Variants in SH3D19 observed in about 807,000 individuals in gnomAD.
SH3D19 encodes the protein SH3 domain containing 19, also known as SH3 domain-containing protein 19.
A neutral mutation model predicts 112.1 loss-of-function variants in SH3D19; 58 were observed. The observed-to-expected ratio is 0.52, with a 90% CI of 0.42 to 0.64. The LOEUF (loss-of-function observed/expected upper bound fraction) is 0.64, where lower values mean the gene tolerates loss of function less well. Ranked by LOEUF, SH3D19 falls within the 30% of genes least tolerant of loss-of-function variation. The pLI is 0.00. For synonymous variants in SH3D19, 391 were observed against 448.5 expected (o/e 0.87, Z 1.62); for missense variants, 1,090 against 1,263.4 (o/e 0.86, Z 2.08).
rs1355350911 is a variant in SH3D19, at chr4:151,122,054, G to A, written c.*37C>T. 9.7e-7 allele frequency: 1 copy of A among 1,025,774 alleles called. No individual in the cohort carries two copies. Among genetic ancestry groups the A allele is most frequent in the East Asian group, 2.4e-5 (1 of 42,038 alleles). 63.5% of individuals were successfully genotyped at this position (1,025,774 alleles called of 1,614,324 possible). ...TGATAGTCAAGGTGATAGTTCAAGT[G>A]AGTTCTTGTGCCAAGGAACACAGAC... On this transcript the variant is annotated 3_prime_UTR_variant, in exon 20 of 20. Transcript: ENST00000604030.
intron 14 of SH3D19, 49 bp from the exon 15 acceptor site, chr4:151,135,181 A>T: frequency 3.4e-6 from 5 of 1,467,442 alleles, no homozygotes; most frequent in Non-Finnish European, 4.7e-6. Flanking sequence ...TCAGATTTTC[A>T]TAAGATAAAT....
At chr4:151,173,647 C>A (rs140380787) in intron 7 of SH3D19, among the ~76,000 whole-genome samples, 5 of 152,162 alleles carry the variant, frequency 3.3e-5, no homozygotes, top group South Asian at 2.1e-4. Flanking sequence ...TTAGTTTATA[C>A]GCTAAAATGT....
intron 1 of SH3D19, among the ~76,000 whole-genome samples, chr4:151,311,144 T>C (rs1380459221): frequency 2.0e-5 from 3 of 151,462 alleles, no homozygotes; most frequent in Non-Finnish European, 2.9e-5. Flanking sequence ...TGTATATATG[T>C]ATACACACAC....
rs17027555 is a variant in SH3D19 at position 151,318,377 on chromosome 4, A to G, written c.112+6864T>C. ...CATTATTACCAGGCCATGTTAAAGT[A>G]ATTCATATGGCTTAAGAAATACCAA... On this transcript the variant is annotated intron_variant, in intron 1 of 19. Coordinates refer to ENST00000604030, the MANE Select transcript of SH3D19 (RefSeq NM_001378122.1). Among the ~76,000 whole-genome samples the G allele has an allele frequency of 1.2e-3, 187 of 152,160 alleles. 1 individual carries two copies. The highest frequency in any genetic ancestry group is 4.3e-3 in the African/African-American group (177 of 41,530).
At chr4:151,282,379 G>C (rs1449890118) in intron 1 of SH3D19, 2 of 1,613,840 alleles carry the variant, frequency 1.2e-6, no homozygotes, top group Non-Finnish European at 1.7e-6. Flanking sequence ...CCTTTTGTTG[G>C]GTGACCGGAT....
chr4:151,144,274 A>C, intron 11 of SH3D19: 1 of 1,614,068 alleles, frequency 6.2e-7, no homozygotes, highest in Non-Finnish European at 8.5e-7. Flanking sequence ...TGGCAATTCC[A>C]TGAGGCACAG....
chr4:151,169,816 G>C (rs527508068), intron 7 of SH3D19, among the ~76,000 whole-genome samples: 1 of 152,200 alleles, frequency 6.6e-6, no homozygotes, highest in East Asian at 1.9e-4. Flanking sequence ...TGCTTATGAG[G>C]GTATTTACTG....
At chr4:151,322,748 C>A (rs1218817052) in intron 1 of SH3D19, among the ~76,000 whole-genome samples, 2 of 152,206 alleles carry the variant, frequency 1.3e-5, no homozygotes, top group African/African-American at 4.8e-5. Context: ...GTGCTCAGAA[C>A]CTGCCTGGGG....
chr4:151,219,224 G>T (rs1767637090), intron 2 of SH3D19, among the ~76,000 whole-genome samples: 1 of 152,090 alleles, frequency 6.6e-6, no homozygotes, highest in African/African-American at 2.4e-5. Context: ...TCAATCCCCT[G>T]CCATCCTCTT....
chr4:151,292,882 G>A (rs1271478646), intron 1 of SH3D19, among the ~76,000 whole-genome samples: 1 of 152,184 alleles, frequency 6.6e-6, no homozygotes, highest in Non-Finnish European at 1.5e-5. Context: ...CACTTTGGGA[G>A]GCCAAGGAGG....
At chr4:151,143,569 G>T (rs1183567130) in intron 12 of SH3D19, among the ~76,000 whole-genome samples, 1 of 151,556 alleles carries the variant, frequency 6.6e-6, no homozygotes, top group Non-Finnish European at 1.5e-5. Flanking sequence ...TAGGATAAAC[G>T]GCAAACCAAG....
At chr4:151,273,081 C>G (rs145977612) in intron 1 of SH3D19, among the ~76,000 whole-genome samples, 1 of 152,278 alleles carries the variant, frequency 6.6e-6, no homozygotes, top group South Asian at 2.1e-4. Context: ...CTATTTAATT[C>G]TTTCCTTTTA....
At chr4:151,164,489 A>G (rs1579898645) in intron 8 of SH3D19, among the ~76,000 whole-genome samples, 1 of 152,302 alleles carries the variant, frequency 6.6e-6, no homozygotes, top group African/African-American at 2.4e-5. Context: ...TACTTATTAA[A>G]GCTCCTATAG....
chr4:151,180,704 C>T (rs1208168125), intron 3 of SH3D19, among the ~76,000 whole-genome samples: 1 of 151,530 alleles, frequency 6.6e-6, no homozygotes, highest in Non-Finnish European at 1.5e-5. Context: ...CTGCGCCCGA[C>T]ACATATGGGG....
intron 1 of SH3D19, among the ~76,000 whole-genome samples, chr4:151,303,920 TC>T (rs965376133): frequency 2.6e-5 from 4 of 151,308 alleles, no homozygotes; most frequent in African/African-American, 9.7e-5. Context: ...GTTAAGAGTA[TC>T]CCTACCTTCT....
At chr4:151,130,155 T>C (rs1463781438) in intron 17 of SH3D19, among the ~76,000 whole-genome samples, 3 of 151,958 alleles carry the variant, frequency 2.0e-5, no homozygotes, top group Non-Finnish European at 2.9e-5. Flanking sequence ...CAAAAAACAA[T>C]GGAAGGCCGG....
chr4:151,209,676 C>T (rs1358260955), intron 2 of SH3D19, among the ~76,000 whole-genome samples: 2 of 152,162 alleles, frequency 1.3e-5, no homozygotes, highest in Non-Finnish European at 2.9e-5. Flanking sequence ...CTTTGGATCA[C>T]CCTAAAAGTT....
At chr4:151,255,699 C>A (rs373391207) in intron 1 of SH3D19, among the ~76,000 whole-genome samples, 4 of 152,008 alleles carry the variant, frequency 2.6e-5, no homozygotes, top group African/African-American at 9.7e-5. Flanking sequence ...AGGTTGTAGC[C>A]AGCCGAGATC....
rs1579689067 is a variant in SH3D19 at position 151,135,662 on chromosome 4, CA to C, written c.2428-531del. 5.3e-5 allele frequency among the ~76,000 whole-genome samples: 8 copies of C among 152,164 alleles called. No homozygotes were observed. In the East Asian group the frequency reaches 1.5e-3, roughly 29 times the overall value. On this transcript the variant is annotated intron_variant, in intron 14 of 19. Coordinates refer to ENST00000604030, the MANE Select transcript of SH3D19 (RefSeq NM_001378122.1). ...TGGGCTGGTCTTGAACTCTTGGACT[CA>C]AGCAATCTGCCTGCCTTAGCCTCCC...
Sources: allele counts gnomAD v4.1 joint callset (sites outside exome capture counted in the v4.1 genomes callset), GRCh38; gene constraint gnomAD v4.1.1; transcripts MANE v1.5; gene names NCBI Gene and HGNC (gene_info 2026-07-23, HGNC 2026-07-21).